FBF1: variants seen among roughly 807,000 people sequenced by gnomAD.
The protein encoded by FBF1 is fas-binding factor 1.
A neutral mutation model predicts 147.2 loss-of-function variants in FBF1; 119 were observed. The observed-to-expected ratio is 0.81, with a 90% CI of 0.70 to 0.94. The LOEUF is 0.94. FBF1 is among the 40% of genes least tolerant of loss of function. The probability of loss-of-function intolerance (pLI) is 0.00; values close to 1 mark genes in which losing one functional copy is unlikely to be tolerated. For synonymous variants in FBF1, 601 were observed against 609.0 expected (o/e 0.99, Z 0.19); for missense variants, 1,449 against 1,500.8 (o/e 0.97, Z 0.57).
Position 75,927,463 on chromosome 17 carries a change from G to A in FBF1, c.467C>T (p.Ser156Phe), listed in dbSNP as rs770552975. Residue 156 changes from serine (S) to phenylalanine (F), a missense_variant, in exon 9 of 30, where the codon TCC (serine) becomes TTC (phenylalanine). Coordinates refer to ENST00000636174, the MANE Select transcript of FBF1 (RefSeq NM_001319193.2). Reference protein sequence around the residue: ...SSSGHQNRRFSSEDLEDPLRG... With the variant: ...SSSGHQNRRFFSEDLEDPLRG... ...ACAGGAGCCTATGGTACCTTCAGAG[G>A]AAAACCTCCTGTTCTGATGCCCAGA... The A allele has an allele frequency of 4.4e-6, 7 of 1,593,250 alleles. No homozygotes were observed. The highest frequency in any genetic ancestry group is 6.0e-6 in the Non-Finnish European group (7 of 1,170,118).
Position 75,918,385 on chromosome 17 carries a change from C to T in FBF1, c.2139-116G>A, listed in dbSNP as rs952426149. On this transcript the variant is annotated intron_variant, in intron 20 of 29. Transcript: ENST00000636174. The surrounding 1 kb of genome is among the most constrained non-coding windows in gnomAD (Gnocchi z 5.8). ...CCTTGCTCCCAGGCCTCTCCTCCGC[C>T]GGGCACTGCCTCAGTTTCCCCAGCT... The T allele has an allele frequency of 1.8e-5, 14 of 763,978 alleles. No homozygotes were observed. Among genetic ancestry groups the T allele is most frequent in the Middle Eastern group, 2.7e-4 (1 of 3,772 alleles). 47.3% of individuals were successfully genotyped at this position (763,978 alleles called of 1,614,324 possible). A position where few individuals can be genotyped will look rare whatever the true frequency, so the allele number is the denominator to read the frequency against.
chr17:75,919,906 G>A lies in FBF1; in HGVS notation c.1932-32C>T. The A allele has an allele frequency of 1.2e-6, 2 of 1,613,342 alleles. No homozygotes were observed. The highest frequency in any genetic ancestry group is 1.7e-6 in the Non-Finnish European group (2 of 1,179,706). On this transcript the variant is annotated intron_variant, in intron 19 of 29. Coordinates refer to ENST00000636174, the MANE Select transcript of FBF1 (RefSeq NM_001319193.2). This position sits in a 1 kb window ranked among gnomAD's most constrained non-coding sequence, Gnocchi z 5.0. ...ACAGAACACCCAGCCATGGCGCAAG[G>A]AAGGCAGAGGGCTGCCGCCTAAAGG...
At chr17:75,938,290 T>G in intron 1 of FBF1, 58 bp from the exon 2 acceptor site, 1 of 1,280,178 alleles carries the variant, frequency 7.8e-7, no homozygotes. Context: ...CTGGGCGCCA[T>G]GGCTCACGCC....
At chr17:75,914,666 T>C (rs959168837) in intron 25 of FBF1, 81 bp downstream of exon 25, 46 of 1,395,336 alleles carry the variant, frequency 3.3e-5, no homozygotes, top group Middle Eastern at 2.6e-4. Flanking sequence ...TCTCCTTTCC[T>C]AAGACTGGAA....
At chr17:75,911,986 T>G (rs896573137) in intron 29 of FBF1, among the ~76,000 whole-genome samples, 1 of 152,190 alleles carries the variant, frequency 6.6e-6, no homozygotes. Flanking sequence ...TCATGAGGTT[T>G]AACTGAGATG....
chr17:75,927,014 TG>T (rs138338045), intron 9 of FBF1, 137 bp from the exon 10 acceptor site: 47,563 of 1,192,502 alleles, frequency 0.04, 1,161 homozygotes, highest in Middle Eastern at 0.11. Context: ...ATCTGGAGGG[TG>T]GGGCCTGGGG....
rs779422826 is a variant in FBF1 at position 75,919,853 on chromosome 17, T to C, written c.1953A>G (p.Glu651=). The C allele has an allele frequency of 6.2e-7, 1 of 1,613,802 alleles. No individual in the cohort carries two copies. The highest frequency in any genetic ancestry group is 8.5e-7 in the Non-Finnish European group (1 of 1,179,892). Residue 651 remains glutamate, a synonymous_variant, in exon 20 of 30, where the codon GAA becomes GAG. Transcript: ENST00000636174. This position sits in a 1 kb window ranked among gnomAD's most constrained non-coding sequence, Gnocchi z 5.0. ...SAHRSRIKVL[E]TSYQQREERL... ...GCTCCTCCCGTTGCTGGTACGATGT[T>C]TCTAGCACCTTGATGCGGCTTCTGC... is the stretch of plus-strand genomic sequence containing the variant.
rs745665757 is a variant in FBF1, at chr17:75,914,210, C to T, written c.2903G>A (p.Arg968Gln). Residue 968 changes from arginine (R) to glutamine (Q), a missense_variant, in exon 26 of 30, where the codon CGG (arginine) becomes CAG (glutamine). By Grantham distance (43) the Arg-to-Gln change is conservative (BLOSUM62 1). Coordinates refer to ENST00000636174, the MANE Select transcript of FBF1 (RefSeq NM_001319193.2). ...CTCCTTCTCCAGCCGCAGCTCCTGC[C>T]GCTCCTGCTCCAGGGCTGCTCTCTC... ...AAERAALEQERQELRLEKERI... is the reference protein window; with the variant it reads ...AAERAALEQEQQELRLEKERI... 3 of 1,594,246 alleles carry T rather than the reference C, an allele frequency of 1.9e-6. No homozygotes were observed. The highest frequency in any genetic ancestry group is 1.6e-4 in the Middle Eastern group (1 of 6,064).
rs1008860382 is a variant in FBF1 at position 75,919,361 on chromosome 17, T to C, written c.2138+307A>G. Among the ~76,000 whole-genome samples the C allele has an allele frequency of 3.3e-5, 5 of 152,228 alleles. No individual in the cohort carries two copies. The highest frequency in any genetic ancestry group is 3.3e-4 in the Admixed American group (5 of 15,290). On this transcript the variant is annotated intron_variant, in intron 20 of 29. Coordinates refer to ENST00000636174, the MANE Select transcript of FBF1 (RefSeq NM_001319193.2). This position sits in a 1 kb window ranked among gnomAD's most constrained non-coding sequence, Gnocchi z 5.0. ...CCAGGTGGATCTTGTTTCTAGCCTC[T>C]ACTGCATGAGCAGGCGAGTGGATGA... is the stretch of plus-strand genomic sequence containing the variant.
At chr17:75,913,633 G>A in intron 28 of FBF1, 69 bp downstream of exon 28, 1 of 1,291,684 alleles carries the variant, frequency 7.7e-7, no homozygotes, top group Non-Finnish European at 1.0e-6. Flanking sequence ...CTGGAGGAGG[G>A]CCTGCCCACT....
rs545427141 is a variant in FBF1, at chr17:75,909,955, T to C, written c.*768A>G. The C allele has an allele frequency of 6.3e-5, 44 of 696,568 alleles. No homozygotes were observed. Among genetic ancestry groups the C allele is most frequent in the African/African-American group, 6.1e-4 (35 of 57,288 alleles). 43.1% of individuals were successfully genotyped at this position (696,568 alleles called of 1,614,324 possible). A position where few individuals can be genotyped will look rare whatever the true frequency, so the allele number is the denominator to read the frequency against. Reference sequence around the variant, plus strand: ...TTGGTTCCTTGTCGCCTCCACTGCGTACCCGCTGAGCTGGGCTTTGGGCAG... The same window carrying C: ...TTGGTTCCTTGTCGCCTCCACTGCGCACCCGCTGAGCTGGGCTTTGGGCAG... On this transcript the variant is annotated 3_prime_UTR_variant, in exon 30 of 30. Transcript: ENST00000636174.
chr17:75,937,390 T>G (rs1418153900), intron 3 of FBF1, among the ~76,000 whole-genome samples, 176 bp downstream of exon 3: 2 of 152,112 alleles, frequency 1.3e-5, no homozygotes, highest in Non-Finnish European at 2.9e-5. Flanking sequence ...CAGGATGGTC[T>G]CGATCTCCTG....
At chr17:75,935,030 TG>T (rs2065615863) in intron 4 of FBF1, among the ~76,000 whole-genome samples, 2 of 152,042 alleles carry the variant, frequency 1.3e-5, no homozygotes, top group African/African-American at 2.4e-5. Context: ...CTAATGGGCA[TG>T]GGGTTTCTTT....
rs528339951 is a variant in FBF1 at position 75,919,284 on chromosome 17, T to A, written c.2138+384A>T. Among the ~76,000 whole-genome samples, 1 of 152,364 alleles carries A rather than the reference T, an allele frequency of 6.6e-6. No individual in the cohort carries two copies. Among genetic ancestry groups the A allele is most frequent in the Non-Finnish European group, 1.5e-5 (1 of 68,030 alleles). On this transcript the variant is annotated intron_variant, in intron 20 of 29. Transcript: ENST00000636174. This position sits in a 1 kb window ranked among gnomAD's most constrained non-coding sequence, Gnocchi z 5.0. ...GGTAACTTTTCTTAGTTTCCTTCTC[T>A]TCTAGAAAGGCAACCCTATAAACAT...
rs987293976 is a variant in FBF1 at position 75,922,115 on chromosome 17, C to T, written c.1425-69G>A. The stretch of plus-strand genomic sequence containing the variant: ...GGTCAGGCTGGATGAAGACAGGGCC[C>T]AGGACGGGCTTCACACGTGAAGCTC... On this transcript the variant is annotated intron_variant, in intron 14 of 29. Coordinates refer to ENST00000636174, the MANE Select transcript of FBF1 (RefSeq NM_001319193.2). This position sits in a 1 kb window ranked among gnomAD's most constrained non-coding sequence, Gnocchi z 5.0. The T allele has an allele frequency of 6.5e-6, 9 of 1,377,944 alleles. No individual in the cohort carries two copies. The highest frequency in any genetic ancestry group is 9.0e-6 in the Non-Finnish European group (9 of 995,528). 85.4% of individuals were successfully genotyped at this position (1,377,944 alleles called of 1,614,324 possible). A position where few individuals can be genotyped will look rare whatever the true frequency, so the allele number is the denominator to read the frequency against.
chr17:75,912,460 C>A (rs1263233589), intron 28 of FBF1, among the ~76,000 whole-genome samples, 153 bp from the exon 29 acceptor site: 1 of 152,218 alleles, frequency 6.6e-6, no homozygotes, highest in African/African-American at 2.4e-5. Context: ...AAGCCTCTGG[C>A]AAATGCATAC....
Position 75,917,828 on chromosome 17 carries a change from C to G in FBF1, c.2409G>C (p.Gln803His). ...GCTCCTCCTCCATGTCCCGCTGCTG[C>G]TGGCCCAGCCGCTCCTGCAGTGCTG... Reference protein sequence around the residue: ...QLRALQERLGQQQRDMEEERS... With the variant: ...QLRALQERLGHQQRDMEEERS... Residue 803 changes from glutamine to histidine, a missense_variant, in exon 23 of 30, where the codon CAG becomes CAC. Physicochemically the swap from Gln to His is conservative, Grantham distance 24. Coordinates refer to ENST00000636174, the MANE Select transcript of FBF1 (RefSeq NM_001319193.2). 1 of 1,605,284 alleles carries G rather than the reference C, an allele frequency of 6.2e-7. No individual in the cohort carries two copies. Among genetic ancestry groups the G allele is most frequent in the Non-Finnish European group, 8.5e-7 (1 of 1,177,448 alleles).
intron 3 of FBF1, among the ~76,000 whole-genome samples, chr17:75,936,692 A>G (rs2065627419): frequency 6.6e-6 from 1 of 152,028 alleles, no homozygotes; most frequent in Admixed American, 6.6e-5. Context: ...AAAACAAAAA[A>G]ACACAACTAT....
rs377469180 is a variant in FBF1, at chr17:75,918,267, G to A, written c.2141C>T (p.Ala714Val). Residue 714 changes from alanine to valine, a missense_variant and splice_region_variant, in exon 21 of 30, where the codon GCG becomes GTG. Transcript: ENST00000636174. The surrounding 1 kb of genome is among the most constrained non-coding windows in gnomAD (Gnocchi z 5.8). ...EMERLRELQR[A>V]SILDMRRDHE... is the part of the protein sequence containing the mutation. ...GTCTCTGCGCATGTCTAGGATGGAC[G>A]CCCTGAGGGGAGGCGGGAGGGGAAG... 7.3e-5 allele frequency: 117 copies of A among 1,611,624 alleles called. No individual in the cohort carries two copies. Among genetic ancestry groups the A allele is most frequent in the Non-Finnish European group, 9.2e-5 (108 of 1,178,736 alleles).
Sources: allele counts gnomAD v4.1 joint callset (sites outside exome capture counted in the v4.1 genomes callset), GRCh38; gene constraint gnomAD v4.1.1; non-coding constraint Gnocchi (gnomAD v3.1); transcripts MANE v1.5; gene names NCBI Gene and HGNC (gene_info 2026-07-23, HGNC 2026-07-21).